The following MAN2B2 variants were observed in gnomAD, a reference collection of about 807,000 sequenced individuals.
MAN2B2 encodes epididymis-specific alpha-mannosidase.
A neutral mutation model predicts 117.1 loss-of-function variants in MAN2B2; 106 were observed. The ratio of observed to expected loss-of-function variants is 0.90; its 90% confidence interval spans 0.77 to 1.06. MAN2B2 has a LOEUF of 1.06. Ranked by LOEUF, MAN2B2 falls within the 50% of genes least tolerant of loss-of-function variation. The pLI, the probability that MAN2B2 is intolerant of heterozygous loss-of-function variation, is 0.00. For missense variants in MAN2B2, 1,326 were observed against 1,381.4 expected (o/e 0.96, Z 0.64); for synonymous variants, 544 against 595.1 (o/e 0.91, Z 1.25).
intron 15 of MAN2B2, among the ~76,000 whole-genome samples, chr4:6,613,248 T>C (rs73798306): frequency 0.013 from 2,005 of 152,060 alleles, 46 homozygotes; most frequent in African/African-American, 0.045. Flanking sequence ...GAGAGACCAG[T>C]AGATGACAAA....
intron 3 of MAN2B2, among the ~76,000 whole-genome samples, chr4:6,585,874 G>C (rs1726612623): frequency 6.6e-6 from 1 of 152,184 alleles, no homozygotes; most frequent in South Asian, 2.1e-4. Flanking sequence ...ACCCAGGAGA[G>C]CAGGCAAGGG....
intron 3 of MAN2B2, among the ~76,000 whole-genome samples, chr4:6,584,016 T>G (rs970928987): frequency 5.9e-5 from 9 of 152,152 alleles, no homozygotes; most frequent in African/African-American, 2.2e-4. Context: ...GGAAGTCACG[T>G]CTCCCTGGCA....
intron 7 of MAN2B2, among the ~76,000 whole-genome samples, chr4:6,596,440 C>T (rs1239118612): frequency 2.6e-5 from 4 of 152,136 alleles, no homozygotes; most frequent in Non-Finnish European, 4.4e-5. Context: ...TCCCAGACGC[C>T]GAGGAGCAGG....
intron 15 of MAN2B2, 141 bp from the exon 16 acceptor site, chr4:6,614,077 G>C: frequency 2.9e-6 from 3 of 1,017,810 alleles, no homozygotes; most frequent in Non-Finnish European, 4.3e-6. Flanking sequence ...AACACTTTGG[G>C]CTGGTGCGGG....
At position 6,597,184 on chromosome 4, in the gene MAN2B2, G is replaced by A. The variant is rs139640919; in HGVS notation, c.1129G>A (p.Ala377Thr). Residue 377 changes from alanine to threonine, a missense_variant, in exon 8 of 19, where the codon GCC becomes ACC. Ala to Thr is a moderately conservative substitution (Grantham distance 58). Transcript: ENST00000285599. ...SLKGLARRAS[A>T]LLYAGESMFT... ...GAAGGGGCTGGCCCGGCGAGCCAGCGCCTTGTTGTATGCCGGGGAGTCCAT... is the reference window on the plus strand; with the variant it reads ...GAAGGGGCTGGCCCGGCGAGCCAGCACCTTGTTGTATGCCGGGGAGTCCAT... 5.5e-5 allele frequency: 88 copies of A among 1,612,664 alleles called. No homozygotes were observed. The African/African-American group carries it at 7.5e-4, about 14-fold the overall frequency.
intron 3 of MAN2B2, among the ~76,000 whole-genome samples, chr4:6,579,198 C>T (rs796799258): frequency 8.8e-5 from 5 of 56,716 alleles, no homozygotes; most frequent in South Asian, 9.4e-4. Flanking sequence ...ACCAGCACCA[C>T]CACCATCACC....
Position 6,576,605 on chromosome 4 carries a change from G to A in MAN2B2, c.166G>A (p.Val56Ile), listed in dbSNP as rs1427546272. Residue 56 changes from valine (V) to isoleucine (I), a missense_variant, in exon 2 of 19, where the codon GTC becomes ATC. Physicochemically the swap from Val to Ile is conservative, Grantham distance 29 (BLOSUM62 3). Transcript: ENST00000285599. ...QESMRAYAAN[V>I]YTSVVEELAR... ...AAGCATGCGGGCGTACGCCGCCAATGTCTACACCTCAGTGGTGGAAGAGCT... is the reference window on the plus strand; with the variant it reads ...AAGCATGCGGGCGTACGCCGCCAATATCTACACCTCAGTGGTGGAAGAGCT... The A allele has an allele frequency of 6.2e-7, 1 of 1,613,648 alleles. No homozygotes were observed. Among genetic ancestry groups the A allele is most frequent in the Admixed American group, 1.7e-5 (1 of 60,022 alleles).
chr4:6,576,176 G>T (rs1310270123), intron 1 of MAN2B2, among the ~76,000 whole-genome samples: 2 of 152,120 alleles, frequency 1.3e-5, no homozygotes, highest in African/African-American at 4.8e-5. Flanking sequence ...GCCCCAGCAG[G>T]CCCCTTTGGG....
intron 15 of MAN2B2, 88 bp downstream of exon 15, chr4:6,611,366 T>A: frequency 2.2e-6 from 3 of 1,374,250 alleles, no homozygotes; most frequent in Non-Finnish European, 2.9e-6. Context: ...TGTGCCCTCA[T>A]GACTCTGGGC....
chr4:6,619,488 A>C, intron 17 of MAN2B2: 1 of 158,736 alleles, frequency 6.3e-6, no homozygotes, highest in Non-Finnish European at 1.4e-5. Flanking sequence ...ACTTTTCCAG[A>C]CCCCTAAGGG....
chr4:6,616,509 G>C (rs1171692202), intron 16 of MAN2B2, among the ~76,000 whole-genome samples: 6 of 152,142 alleles, frequency 3.9e-5, no homozygotes, highest in Non-Finnish European at 8.8e-5. Flanking sequence ...GGTTTTTCTT[G>C]CTGTGGCCAC....
At chr4:6,612,172 C>T (rs1164736609) in intron 15 of MAN2B2, among the ~76,000 whole-genome samples, 1 of 152,248 alleles carries the variant, frequency 6.6e-6, no homozygotes, top group Non-Finnish European at 1.5e-5. Context: ...CAGGCTGTCA[C>T]TCACCCATGC....
chr4:6,615,305 C>T lies in MAN2B2; in HGVS notation c.2701+950C>T, dbSNP rs111383881. 3.9e-3 allele frequency among the ~76,000 whole-genome samples: 587 copies of T among 152,248 alleles called. 4 individuals are homozygous for T. Among genetic ancestry groups the T allele is most frequent in the African/African-American group, 0.014 (567 of 41,540 alleles). ...GCCTGCTTTCCCAGGCACCTGCAGC[C>T]GCCTTGTGAAATGGGATCCCTCACC... is the stretch of plus-strand genomic sequence containing the variant. On this transcript the variant is annotated intron_variant, in intron 16 of 18. Coordinates refer to ENST00000285599, the MANE Select transcript of MAN2B2 (RefSeq NM_015274.3).
At chr4:6,589,297 G>A (rs1726769531) in intron 5 of MAN2B2, 137 bp downstream of exon 5, 4 of 643,398 alleles carry the variant, frequency 6.2e-6, no homozygotes, top group East Asian at 2.9e-5. Flanking sequence ...CCGGAGTGCA[G>A]TAGCGCAATC....
chr4:6,577,073 T>C (rs1464928636), intron 2 of MAN2B2, among the ~76,000 whole-genome samples: 1 of 152,084 alleles, frequency 6.6e-6, no homozygotes, highest in East Asian at 1.9e-4. Flanking sequence ...CTCTCATTTG[T>C]GTTATCTGCC....
At chr4:6,579,111 T>C (rs796210544) in intron 3 of MAN2B2, among the ~76,000 whole-genome samples, 43 of 25,170 alleles carry the variant, frequency 1.7e-3, no homozygotes, top group South Asian at 5.0e-3. Context: ...ACCACCACCA[T>C]CACCATCACC....
At chr4:6,597,060 GC>G in intron 7 of MAN2B2, 52 bp from the exon 8 acceptor site, 1 of 1,537,598 alleles carries the variant, frequency 6.5e-7, no homozygotes, top group Middle Eastern at 1.7e-4. Context: ...CTGGAGCTTA[GC>G]AGACTTCTGG....
chr4:6,613,314 CAT>C (rs969049489), intron 15 of MAN2B2, among the ~76,000 whole-genome samples: 2 of 152,088 alleles, frequency 1.3e-5, no homozygotes, highest in African/African-American at 4.8e-5. Context: ...TCTGGCCGGA[CAT>C]GGTGGCTCAC....
rs765500570 is a variant in MAN2B2, at chr4:6,622,196, C to A, written c.*911C>A. The A allele has an allele frequency of 6.6e-6, 1 of 152,168 alleles. No individual in the cohort carries two copies. The highest frequency in any genetic ancestry group is 2.4e-5 in the African/African-American group (1 of 41,438). 9.4% of individuals were successfully genotyped at this position (152,168 alleles called of 1,614,324 possible). On this transcript the variant is annotated 3_prime_UTR_variant, in exon 19 of 19. Transcript: ENST00000285599. ...TACGCTAAGTGAAAGAAGCCAATCA[C>A]GAGTTTATGTGAAATGTCCAGAATA... is the stretch of plus-strand genomic sequence containing the variant.
Sources: gnomAD v4.1 joint callset for allele counts (sites outside exome capture counted in the v4.1 genomes callset) on GRCh38, gnomAD v4.1.1 for gene constraint, MANE v1.5 for transcripts, NCBI Gene and HGNC (gene_info 2026-07-23, HGNC 2026-07-21) for gene names.